SLC2A9: variants seen among roughly 807,000 people sequenced by gnomAD.
The protein encoded by SLC2A9 is solute carrier family 2, facilitated glucose transporter member 9.
SLC2A9 carries 39 observed loss-of-function variants against 50.6 expected under a neutral mutation model. The observed-to-expected ratio is 0.77, with a 90% CI of 0.60 to 1.01. The LOEUF (loss-of-function observed/expected upper bound fraction) is 1.01, where lower values mean the gene tolerates loss of function less well. SLC2A9 is among the 50% of genes least tolerant of loss of function. The pLI, the probability that SLC2A9 is intolerant of heterozygous loss-of-function variation, is 0.00. For synonymous variants in SLC2A9, 324 were observed against 276.9 expected (o/e 1.17, Z -1.69); for missense variants, 686 against 677.6 (o/e 1.01, Z -0.14).
chr4:9,866,448 G>C (rs1435515109), intron 10 of SLC2A9, among the ~76,000 whole-genome samples: 4 of 151,474 alleles, frequency 2.6e-5, no homozygotes, highest in Non-Finnish European at 5.9e-5. Context: ...ACCAAGCTCT[G>C]TGGCCATGGA....
At chr4:10,035,654 A>C (rs1247061875) in intron 1 of SLC2A9, 3 of 152,018 alleles carry the variant, frequency 2.0e-5, no homozygotes, top group African/African-American at 7.3e-5. Context: ...TCTGGAGGAG[A>C]CTGGTGTGGG....
At chr4:10,001,554 G>A (rs751877626) in intron 2 of SLC2A9, among the ~76,000 whole-genome samples, 50 of 152,188 alleles carry the variant, frequency 3.3e-4, no homozygotes, top group Non-Finnish European at 5.0e-4. Flanking sequence ...AGCAGCTCTA[G>A]AAAAGTAATA....
At chr4:9,879,603 C>T (rs993137101) in intron 10 of SLC2A9, 8 of 985,208 alleles carry the variant, frequency 8.1e-6, no homozygotes, top group African/African-American at 5.2e-5. Flanking sequence ...CCATCAGGAC[C>T]GCTCCATCTT....
At chr4:9,804,569 T>C (rs1721878728) in intron 3 of SLC2A9, among the ~76,000 whole-genome samples, 1 of 152,192 alleles carries the variant, frequency 6.6e-6, no homozygotes, top group Non-Finnish European at 1.5e-5. Context: ...GCAAGTTACC[T>C]GCCTGCCTAC....
intron 2 of SLC2A9, among the ~76,000 whole-genome samples, chr4:10,017,319 T>A (rs766219962): frequency 6.6e-6 from 1 of 152,230 alleles, no homozygotes; most frequent in African/African-American, 2.4e-5. Context: ...CTCACCTGGA[T>A]GTTTTGATGA....
At chr4:9,824,087 G>A (rs1724778522), downstream of SLC2A9, among the ~76,000 whole-genome samples, 1 of 152,184 alleles carries the variant, frequency 6.6e-6, no homozygotes, top group South Asian at 2.1e-4. Flanking sequence ...GTTGGGTCAT[G>A]AGAGCCCTCA....
chr4:9,782,608 G>A, intron 3 of SLC2A9: 2 of 1,613,982 alleles, frequency 1.2e-6, no homozygotes, highest in South Asian at 1.1e-5. Flanking sequence ...GGCTGGACCT[G>A]CCAAACAACC....
chr4:9,868,394 A>G (rs966350097), intron 10 of SLC2A9, among the ~76,000 whole-genome samples: 1 of 152,208 alleles, frequency 6.6e-6, no homozygotes, highest in African/African-American at 2.4e-5. Flanking sequence ...AAGCCAGGTG[A>G]CCTGATAATA....
rs1560113454 is a variant in SLC2A9 at position 9,783,308 on chromosome 4, A to G, written n.386-3243T>C. The G allele has an allele frequency of 8.7e-6, 14 of 1,614,224 alleles. No individual in the cohort carries two copies. The East Asian group carries it at 3.1e-4, about 36-fold the overall frequency. ...TACCCCCGGCAACCGGGAGGTGGAC[A>G]ACGACGAGGAGGAGGGTCCTTTCGA... On this transcript the variant is annotated intron_variant and non_coding_transcript_variant, in intron 3 of 3. Coordinates refer to the SLC2A9 transcript ENST00000503803.
chr4:9,774,828 C>G (rs1043590131), downstream of SLC2A9, among the ~76,000 whole-genome samples: 17 of 151,854 alleles, frequency 1.1e-4, no homozygotes, highest in Middle Eastern at 6.8e-3. Context: ...TCTTTCTCTC[C>G]CTTTAATTTG....
At chr4:9,947,655 C>A (rs1055546368) in intron 5 of SLC2A9, among the ~76,000 whole-genome samples, 5 of 152,152 alleles carry the variant, frequency 3.3e-5, no homozygotes, top group African/African-American at 1.2e-4. Flanking sequence ...GTATGCAAAC[C>A]CACCAATCCA....
intron 3 of SLC2A9, chr4:9,781,714 C>T: frequency 3.3e-6 from 1 of 303,138 alleles, no homozygotes; most frequent in African/African-American, 2.2e-5. Context: ...GAACCAGACA[C>T]AGCCGCTGCC....
chr4:9,891,553 C>T (rs1343040680), intron 8 of SLC2A9, among the ~76,000 whole-genome samples: 1 of 152,120 alleles, frequency 6.6e-6, no homozygotes, highest in Admixed American at 6.5e-5. Context: ...AGACTGCACT[C>T]AACACACAGG....
At chr4:9,791,903 G>C (rs188697156) in intron 3 of SLC2A9, among the ~76,000 whole-genome samples, 2 of 152,268 alleles carry the variant, frequency 1.3e-5, no homozygotes, top group African/African-American at 4.8e-5. Context: ...TAAGTTCTGG[G>C]TTAATTTGTT....
Position 9,848,992 on chromosome 4 carries a change from G to A in SLC2A9, c.1292-13984C>T, listed in dbSNP as rs562254552. ...GCTGGGATTACAGGCGTGAGCCACCGTGCCTGGCCAGAAATTCTTTATGCA... is the reference window on the plus strand; with the variant it reads ...GCTGGGATTACAGGCGTGAGCCACCATGCCTGGCCAGAAATTCTTTATGCA... On this transcript the variant is annotated intron_variant, in intron 10 of 11. Coordinates refer to ENST00000264784, the MANE Select transcript of SLC2A9 (RefSeq NM_020041.3). 8.5e-5 allele frequency among the ~76,000 whole-genome samples: 13 copies of A among 152,304 alleles called. No individual in the cohort carries two copies. In the East Asian group the frequency reaches 9.7e-4, roughly 11 times the overall value.
At chr4:9,879,528 G>C in intron 10 of SLC2A9, 3 of 985,300 alleles carry the variant, frequency 3.0e-6, no homozygotes, top group Non-Finnish European at 3.6e-6. Context: ...GTCAAATGCT[G>C]ATACGCCCCT....
At chr4:9,852,038 G>A (rs1034751462) in intron 10 of SLC2A9, among the ~76,000 whole-genome samples, 17 of 152,136 alleles carry the variant, frequency 1.1e-4, no homozygotes, top group African/African-American at 4.1e-4. Context: ...AGGAAATGCA[G>A]GGAACCCCTG....
At chr4:9,887,729 T>C (rs955078286) in intron 9 of SLC2A9, 87 bp from the exon 10 acceptor site, 2 of 1,140,652 alleles carry the variant, frequency 1.8e-6, no homozygotes, top group African/African-American at 1.6e-5. Flanking sequence ...CCTCCATCCA[T>C]CTGTGTGACC....
At chr4:9,877,332 G>C (rs1734466714) in intron 10 of SLC2A9, among the ~76,000 whole-genome samples, 1 of 152,176 alleles carries the variant, frequency 6.6e-6, no homozygotes, top group Non-Finnish European at 1.5e-5. Flanking sequence ...GCTCCCTCTT[G>C]GGGCAGTGCA....
Sources: gnomAD v4.1 joint callset for allele counts (sites outside exome capture counted in the v4.1 genomes callset) on GRCh38, gnomAD v4.1.1 for gene constraint, MANE v1.5 for transcripts, NCBI Gene and HGNC (gene_info 2026-07-23, HGNC 2026-07-21) for gene names.